The following CHD7 variants were observed in gnomAD, a reference collection of about 807,000 sequenced individuals.
The protein encoded by CHD7 is ATP-dependent chromatin remodeler CHD7.
A neutral mutation model predicts 307.3 loss-of-function variants in CHD7; 24 were observed. The observed-to-expected ratio is 0.08, with a 90% CI of 0.06 to 0.11. The LOEUF is 0.11. Ranked by LOEUF, CHD7 falls within the 10% of genes least tolerant of loss-of-function variation. The probability of loss-of-function intolerance (pLI) is 1.00; values close to 1 mark genes in which losing one functional copy is unlikely to be tolerated. For missense variants in CHD7, 3,106 were observed against 3,727.1 expected (o/e 0.83, Z 4.34); for synonymous variants, 1,363 against 1,349.9 (o/e 1.01, Z -0.21).
Position 60,865,088 on chromosome 8 carries a change from A to C in CHD7, c.8149A>C (p.Arg2717=), listed in dbSNP as rs2129757721. ...PVVRGEGASR[R]GRRPKSEIAR... ...AGTGCGGGGAGAGGGAGCGAGCAGA[A>C]GAGGAAGAAGGCCCAAAAGTGAGAT... Residue 2717 remains arginine, a synonymous_variant, in exon 38 of 38, where the codon AGA becomes CGA. Transcript: ENST00000423902. This position sits in a 1 kb window ranked among gnomAD's most constrained non-coding sequence, Gnocchi z 4.3. The C allele has an allele frequency of 6.2e-7, 1 of 1,610,656 alleles. No homozygotes were observed. The highest frequency in any genetic ancestry group is 8.5e-7 in the Non-Finnish European group (1 of 1,178,426).
rs550149626 is a variant in CHD7 at position 60,846,188 on chromosome 8, G to A, written c.5210+779G>A. 2.6e-5 allele frequency among the ~76,000 whole-genome samples: 4 copies of A among 152,310 alleles called. No homozygotes were observed. The East Asian group carries it at 7.7e-4, about 29-fold the overall frequency. ...ATTGTAGAGGACTGGTTTTTAACCA[G>A]TATCGGTTAGAGAATAGTAGTCAGC... On this transcript the variant is annotated intron_variant, in intron 23 of 37. Coordinates refer to ENST00000423902, the MANE Select transcript of CHD7 (RefSeq NM_017780.4).
chr8:60,679,501 C>T (rs1805464338), intron 1 of CHD7: 1 of 146,582 alleles, frequency 6.8e-6, no homozygotes, highest in African/African-American at 2.5e-5. Flanking sequence ...GAGCGCGTTT[C>T]CTCCCGCCGG....
chr8:60,739,955 A>G (rs566312712), intron 1 of CHD7, among the ~76,000 whole-genome samples: 14 of 152,316 alleles, frequency 9.2e-5, no homozygotes, highest in Non-Finnish European at 1.9e-4. Context: ...TGTCCTTATA[A>G]AAGAGAAAAA....
intron 17 of CHD7, among the ~76,000 whole-genome samples, 186 bp from the exon 18 acceptor site, chr8:60,837,482 C>G (rs138892876): frequency 2.6e-5 from 4 of 152,280 alleles, no homozygotes; most frequent in East Asian, 3.9e-4. Flanking sequence ...AGAGCCAGCT[C>G]TCTCGCCTCT....
At position 60,852,642 on chromosome 8, in the gene CHD7, A is replaced by C; in HGVS notation, c.6039A>C (p.Lys2013Asn). The C allele has an allele frequency of 6.2e-7, 1 of 1,613,978 alleles. No homozygotes were observed. The highest frequency in any genetic ancestry group is 8.5e-7 in the Non-Finnish European group (1 of 1,179,892). ...AAAAATCTGATGAGAGTTTGGAGAA[A>C]TACTTCAGTTGTTTTGTGGCCATGT... ...LDKKSDESLE[K>N]YFSCFVAMCR... The change falls in exon 30 of 38, where the codon AAA (lysine) becomes AAC (asparagine). Residue 2013 changes from lysine (K) to asparagine (N), a missense_variant. Physicochemically the swap from Lys to Asn is moderately conservative, Grantham distance 94 (BLOSUM62 0). This residue lies in a region of CHD7 where 1,030 missense variants were observed against 1,165.4 expected (regional missense o/e 0.88). Transcript: ENST00000423902.
chr8:60,833,529 C>T (rs749282406), intron 15 of CHD7, among the ~76,000 whole-genome samples: 14 of 152,044 alleles, frequency 9.2e-5, no homozygotes, highest in Admixed American at 1.3e-4. Context: ...TTCTGGTAAT[C>T]GTCAAGAACA....
chr8:60,852,482 A>C lies in CHD7; in HGVS notation c.5895-16A>C, dbSNP rs149010955. On this transcript the variant is annotated splice_polypyrimidine_tract_variant and intron_variant, in intron 29 of 37. Coordinates refer to ENST00000423902, the MANE Select transcript of CHD7 (RefSeq NM_017780.4). ...TTCCTGAAGTATGATGCAAGCTAAT[A>C]TAATCTTTCTAACAGGTGGACAAGA... 6.2e-7 allele frequency: 1 copy of C among 1,604,202 alleles called. No individual in the cohort carries two copies. Among genetic ancestry groups the C allele is most frequent in the African/African-American group, 1.3e-5 (1 of 74,794 alleles).
intron 8 of CHD7, among the ~76,000 whole-genome samples, chr8:60,819,637 A>G (rs969324385): frequency 6.6e-6 from 1 of 152,236 alleles, no homozygotes; most frequent in African/African-American, 2.4e-5. Context: ...AACACTTTGC[A>G]TGACTCTGAT....
Position 60,693,172 on chromosome 8 carries a change from G to A in CHD7, c.-175+14090G>A, listed in dbSNP as rs956711204. On this transcript the variant is annotated intron_variant, in intron 1 of 37. Transcript: ENST00000423902. Reference sequence around the variant, plus strand: ...TTGGCATCTTTGTTCCCTCCACTATGTTGTGCCCTCCGCGACACCCCCTTG... The same window carrying A: ...TTGGCATCTTTGTTCCCTCCACTATATTGTGCCCTCCGCGACACCCCCTTG... 2.0e-4 allele frequency among the ~76,000 whole-genome samples: 31 copies of A among 152,140 alleles called. 1 individual carries two copies. The highest frequency in any genetic ancestry group is 7.0e-4 in the African/African-American group (29 of 41,426).
intron 1 of CHD7, among the ~76,000 whole-genome samples, chr8:60,684,903 T>A (rs1424531763): frequency 6.6e-6 from 1 of 152,114 alleles, no homozygotes; most frequent in Non-Finnish European, 1.5e-5. Context: ...ATCACAATGA[T>A]TTGGACTAGA....
intron 34 of CHD7, among the ~76,000 whole-genome samples, chr8:60,859,488 C>A (rs897083958): frequency 3.3e-5 from 5 of 152,186 alleles, no homozygotes; most frequent in Non-Finnish European, 5.9e-5. Context: ...GCACATAAAT[C>A]ATAATGTGTC....
chr8:60,727,968 C>G (rs1451591540), intron 1 of CHD7, among the ~76,000 whole-genome samples: 1 of 152,248 alleles, frequency 6.6e-6, no homozygotes, highest in Non-Finnish European at 1.5e-5. Context: ...AGAAACAAGT[C>G]TCTCTCTTGA....
intron 2 of CHD7, among the ~76,000 whole-genome samples, chr8:60,775,683 C>T (rs1810917744): frequency 6.6e-6 from 1 of 152,238 alleles, no homozygotes; most frequent in Non-Finnish European, 1.5e-5. Context: ...TCTGTACTGT[C>T]TCCAGTGCCC....
Position 60,742,492 on chromosome 8 carries a change from C to G in CHD7, c.1060C>G (p.Pro354Ala), listed in dbSNP as rs878893652. ...VPRYPNAVGF[P>A]SNSGQGLMHQ... is the part of the protein sequence containing the mutation. ...AAGATACCCCAATGCTGTAGGATTC[C>G]CATCAAACAGTGGTCAAGGACTAAT... Residue 354 changes from proline to alanine, a missense_variant, in exon 2 of 38, where the codon CCA (proline) becomes GCA (alanine). By Grantham distance (27) the Pro-to-Ala change is conservative (BLOSUM62 -1). Transcript: ENST00000423902. 6.2e-6 allele frequency: 10 copies of G among 1,613,960 alleles called. No individual in the cohort carries two copies. In the Admixed American group the frequency reaches 1.5e-4, roughly 24 times the overall value.
intron 7 of CHD7, 75 bp from the exon 8 acceptor site, chr8:60,816,312 G>A (rs772293506): frequency 4.8e-6 from 4 of 837,972 alleles, no homozygotes; most frequent in Middle Eastern, 3.3e-4. Context: ...CTGTGTAGTT[G>A]ACTTTTTTGA....
intron 2 of CHD7, among the ~76,000 whole-genome samples, chr8:60,765,285 CCCA>C (rs1222377524): frequency 1.4e-5 from 2 of 147,048 alleles, no homozygotes; most frequent in South Asian, 2.3e-4. Context: ...ACACACACAC[CCCA>C]CACACATATG....
intron 1 of CHD7, among the ~76,000 whole-genome samples, chr8:60,718,488 AAAG>A (rs969030775): frequency 1.3e-5 from 2 of 152,096 alleles, no homozygotes; most frequent in East Asian, 1.9e-4. Flanking sequence ...AGAAAAAAAA[AAAG>A]AAAGTTTGAA....
intron 11 of CHD7, 100 bp downstream of exon 11, chr8:60,822,245 TAAG>T (rs1194457733): frequency 1.0e-5 from 11 of 1,070,098 alleles, no homozygotes; most frequent in African/African-American, 6.5e-5. Context: ...TTAACTCTAA[TAAG>T]AGCTTTTTCA....
intron 1 of CHD7, among the ~76,000 whole-genome samples, chr8:60,688,701 T>G (rs1806042553): frequency 6.6e-6 from 1 of 152,228 alleles, no homozygotes; most frequent in South Asian, 2.1e-4. Flanking sequence ...ATGGCTGTCC[T>G]TCTAGTGAAA....
Sources: allele counts gnomAD v4.1 joint callset (sites outside exome capture counted in the v4.1 genomes callset), GRCh38; gene constraint gnomAD v4.1.1; regional missense constraint gnomAD v4.1.1; non-coding constraint Gnocchi (gnomAD v3.1); transcripts MANE v1.5; gene names NCBI Gene and HGNC (gene_info 2026-07-23, HGNC 2026-07-21).